Variants in FILIP1 observed in about 807,000 individuals in gnomAD.
The protein encoded by FILIP1 is filamin A interacting protein 1.
A neutral mutation model predicts 102.1 loss-of-function variants in FILIP1; 61 were observed. That is an observed-to-expected ratio of 0.60 (90% confidence interval 0.49 to 0.74). The LOEUF (loss-of-function observed/expected upper bound fraction) is 0.74, where lower values mean the gene tolerates loss of function less well. FILIP1 is among the 30% of genes least tolerant of loss of function. The pLI is 0.00. For synonymous variants in FILIP1, 491 were observed against 526.9 expected (o/e 0.93, Z 0.93); for missense variants, 1,314 against 1,441.2 (o/e 0.91, Z 1.43).
chr6:75,460,561 G>A (rs1338924830), intron 1 of FILIP1, among the ~76,000 whole-genome samples: 2 of 152,202 alleles, frequency 1.3e-5, no homozygotes, highest in East Asian at 3.9e-4. Flanking sequence ...TAGATATCTA[G>A]GAATTTCAGC....
At chr6:75,487,322 G>A (rs1340565939) in intron 1 of FILIP1, among the ~76,000 whole-genome samples, 1 of 152,112 alleles carries the variant, frequency 6.6e-6, no homozygotes, top group East Asian at 1.9e-4. Context: ...TGTCGTCACA[G>A]TAACTACAGG....
intron 3 of FILIP1, chr6:75,358,663 T>C (rs571285631): frequency 6.6e-5 from 10 of 152,350 alleles, no homozygotes; most frequent in African/African-American, 2.2e-4. Flanking sequence ...TGAATTTCAG[T>C]GTCTCAGCTG....
At chr6:75,296,048 A>G in intron 6 of FILIP1, 2 of 791,756 alleles carry the variant, frequency 2.5e-6, no homozygotes, top group Non-Finnish European at 3.5e-6. Context: ...AAATAACAAA[A>G]CAAACAAAAA....
intron 4 of FILIP1, chr6:75,319,582 G>C (rs1773570992): frequency 2.0e-6 from 1 of 492,182 alleles, no homozygotes; most frequent in East Asian, 4.9e-5. Flanking sequence ...TGTAATCCCA[G>C]CACTTTGGGA....
intron 2 of FILIP1, among the ~76,000 whole-genome samples, chr6:75,378,308 G>A (rs1775806621): frequency 6.6e-6 from 1 of 152,032 alleles, no homozygotes; most frequent in African/African-American, 2.4e-5. Context: ...AGCAAAATCA[G>A]CAACAAAAGC....
At chr6:75,319,940 G>C (rs1181207262) in intron 4 of FILIP1, 2 of 439,640 alleles carry the variant, frequency 4.5e-6, no homozygotes, top group South Asian at 5.6e-5. Flanking sequence ...TGCATATCAT[G>C]ACATTTTGCC....
In FILIP1 at chr6:75,313,440, C is replaced by A; in HGVS notation, c.2392G>T (p.Val798Phe). ...PSVNGRRMVD[V>F]PVTSTGVQTD... Reference sequence around the variant, plus strand: ...TGGACTCCAGTTGACGTCACAGGAACATCCACCATTCTTCTTCCATTCACA... The same window carrying A: ...TGGACTCCAGTTGACGTCACAGGAAAATCCACCATTCTTCTTCCATTCACA... The change falls in exon 5 of 6, where the codon GTT becomes TTT. Residue 798 changes from valine (V) to phenylalanine (F), a missense_variant. Transcript: ENST00000237172. The surrounding 1 kb of genome is among the most constrained non-coding windows in gnomAD (Gnocchi z 4.2). 6.2e-7 allele frequency: 1 copy of A among 1,614,222 alleles called. No homozygotes were observed. Among genetic ancestry groups the A allele is most frequent in the East Asian group, 2.2e-5 (1 of 44,882 alleles).
At chr6:75,468,940 A>G (rs1052169096) in intron 1 of FILIP1, among the ~76,000 whole-genome samples, 12 of 152,094 alleles carry the variant, frequency 7.9e-5, no homozygotes, top group Non-Finnish European at 1.6e-4. Context: ...TTTATATCCA[A>G]CCAAACTATC....
intron 4 of FILIP1, among the ~76,000 whole-genome samples, chr6:75,333,066 A>G (rs1284423628): frequency 1.3e-5 from 2 of 152,198 alleles, no homozygotes; most frequent in Non-Finnish European, 2.9e-5. Flanking sequence ...TTTGTTTAAA[A>G]TAACTTAGAC....
At chr6:75,467,030 T>A (rs1779189645) in intron 1 of FILIP1, among the ~76,000 whole-genome samples, 1 of 152,150 alleles carries the variant, frequency 6.6e-6, no homozygotes. Flanking sequence ...CTCTCTTTTC[T>A]CCTTTAACTA....
At chr6:75,345,595 T>A (rs1582375674) in intron 4 of FILIP1, among the ~76,000 whole-genome samples, 1 of 152,136 alleles carries the variant, frequency 6.6e-6, no homozygotes, top group Admixed American at 6.5e-5. Flanking sequence ...TTAGGTGGGG[T>A]GACCAGCCTT....
intron 2 of FILIP1, among the ~76,000 whole-genome samples, chr6:75,410,306 C>T (rs1777018842): frequency 6.6e-6 from 1 of 152,110 alleles, no homozygotes; most frequent in Non-Finnish European, 1.5e-5. Context: ...AGTCCTGCTT[C>T]TCCTCTCAGC....
intron 1 of FILIP1, among the ~76,000 whole-genome samples, chr6:75,472,808 C>A (rs780175257): frequency 1.2e-4 from 18 of 151,942 alleles, no homozygotes; most frequent in Non-Finnish European, 2.4e-4. Context: ...ATTTAAAGAA[C>A]CAAAAGCATC....
intron 2 of FILIP1, among the ~76,000 whole-genome samples, chr6:75,410,406 T>A (rs543529510): frequency 4.6e-5 from 7 of 152,224 alleles, no homozygotes; most frequent in Non-Finnish European, 8.8e-5. Flanking sequence ...ATTTTTTTTT[T>A]TTATTATTAT....
At chr6:75,336,404 C>A (rs1284195519) in intron 4 of FILIP1, among the ~76,000 whole-genome samples, 1 of 151,506 alleles carries the variant, frequency 6.6e-6, no homozygotes, top group African/African-American at 2.4e-5. Context: ...AGTGGGCCCA[C>A]AATATATAAT....
chr6:75,327,379 C>T (rs1397476403), intron 4 of FILIP1, among the ~76,000 whole-genome samples: 1 of 152,066 alleles, frequency 6.6e-6, no homozygotes, highest in Admixed American at 6.6e-5. Context: ...CCACTCTTGT[C>T]CACCCACAGT....
chr6:75,481,799 T>G (rs1378148983), intron 1 of FILIP1, among the ~76,000 whole-genome samples: 1 of 152,196 alleles, frequency 6.6e-6, no homozygotes, highest in Non-Finnish European at 1.5e-5. Flanking sequence ...TCTATAATCA[T>G]GTGCTTTCAC....
intron 4 of FILIP1, among the ~76,000 whole-genome samples, chr6:75,340,542 A>T (rs150653413): frequency 1.1e-4 from 17 of 152,340 alleles, no homozygotes; most frequent in Admixed American, 3.9e-4. Context: ...TATCTCCAGA[A>T]ATTCCATCAG....
At chr6:75,373,406 C>T (rs1020062451) in intron 2 of FILIP1, among the ~76,000 whole-genome samples, 2 of 152,144 alleles carry the variant, frequency 1.3e-5, no homozygotes, top group Non-Finnish European at 2.9e-5. Flanking sequence ...CTGAACTGTA[C>T]ACTTAAAGAT....
Sources: gnomAD v4.1 joint callset for allele counts (sites outside exome capture counted in the v4.1 genomes callset) on GRCh38, gnomAD v4.1.1 for gene constraint, Gnocchi (gnomAD v3.1) non-coding constraint, MANE v1.5 for transcripts, NCBI Gene and HGNC (gene_info 2026-07-23, HGNC 2026-07-21) for gene names.